The following ANK3 variants were observed in gnomAD, a reference collection of about 807,000 sequenced individuals.
ANK3 encodes ankyrin-3.
In ANK3, 57 loss-of-function variants were observed where a neutral mutation model predicts 370.9. The ratio of observed to expected loss-of-function variants is 0.15; its 90% CI spans 0.12 to 0.19. The LOEUF is 0.19. Ranked by LOEUF, ANK3 falls within the 10% of genes least tolerant of loss-of-function variation. The pLI, the probability that ANK3 is intolerant of heterozygous loss-of-function variation, is 1.00. For missense variants in ANK3, 4,439 were observed against 5,302.1 expected (o/e 0.84, Z 5.06); for synonymous variants, 1,929 against 1,946.3 (o/e 0.99, Z 0.23).
intron 2 of ANK3, among the ~76,000 whole-genome samples, chr10:60,491,168 T>G (rs2075491855): frequency 6.6e-6 from 1 of 152,260 alleles, no homozygotes; most frequent in South Asian, 2.1e-4. Context: ...TAGCACACTA[T>G]TCATCTATTG....
chr10:60,407,537 T>A (rs577471003), intron 2 of ANK3, among the ~76,000 whole-genome samples: 4 of 152,216 alleles, frequency 2.6e-5, no homozygotes, highest in South Asian at 4.1e-4. Flanking sequence ...CAATAATAGA[T>A]CCATTTAATG....
At chr10:60,200,064 A>G in intron 13 of ANK3, 65 bp downstream of exon 13, 1 of 1,325,390 alleles carries the variant, frequency 7.5e-7, no homozygotes, top group Non-Finnish European at 1.1e-6. Flanking sequence ...GTATATACTT[A>G]AAAGTTTTAT....
At chr10:60,482,707 G>T (rs2075256317) in intron 2 of ANK3, among the ~76,000 whole-genome samples, 1 of 152,188 alleles carries the variant, frequency 6.6e-6, no homozygotes, top group African/African-American at 2.4e-5. Context: ...GACTGGTCTT[G>T]AACTCCTAGG....
At chr10:60,642,815 G>A (rs767560745) in intron 1 of ANK3, among the ~76,000 whole-genome samples, 2 of 152,006 alleles carry the variant, frequency 1.3e-5, no homozygotes, top group Non-Finnish European at 2.9e-5. Flanking sequence ...TTTATAATAA[G>A]GAGTTAATTT....
chr10:60,350,854 A>G (rs564641321), intron 1 of ANK3, among the ~76,000 whole-genome samples: 3 of 152,238 alleles, frequency 2.0e-5, no homozygotes, highest in South Asian at 4.1e-4. Context: ...GCTGCCCACC[A>G]TAGAGTTCCC....
intron 40 of ANK3, among the ~76,000 whole-genome samples, chr10:60,061,724 T>C (rs1385388067): frequency 1.3e-5 from 2 of 149,728 alleles, no homozygotes; most frequent in Non-Finnish European, 3.0e-5. Context: ...GCTTTAAATC[T>C]TTTGTTGACT....
intron 2 of ANK3, among the ~76,000 whole-genome samples, chr10:60,452,156 G>A (rs919691859): frequency 3.6e-4 from 55 of 152,322 alleles, no homozygotes; most frequent in Non-Finnish European, 8.8e-5. Flanking sequence ...AGCCTCTAGC[G>A]GTGCACACAG....
At chr10:60,198,267 G>A in intron 14 of ANK3, 73 bp downstream of exon 14, 1 of 1,479,142 alleles carries the variant, frequency 6.8e-7, no homozygotes, top group Non-Finnish European at 9.4e-7. Context: ...TTCTGGACCT[G>A]TTACTATGCG....
intron 1 of ANK3, among the ~76,000 whole-genome samples, chr10:60,685,517 A>G (rs2133395731): frequency 6.6e-6 from 1 of 152,376 alleles, no homozygotes; most frequent in Middle Eastern, 3.4e-3. Flanking sequence ...CGTAAAGTAC[A>G]GTCAAATTAT....
At chr10:60,414,573 G>C (rs1359553555) in intron 2 of ANK3, among the ~76,000 whole-genome samples, 1 of 152,142 alleles carries the variant, frequency 6.6e-6, no homozygotes, top group African/African-American at 2.4e-5. Context: ...TGGAGATAGG[G>C]AAGGAAGCCA....
intron 2 of ANK3, among the ~76,000 whole-genome samples, chr10:60,533,220 G>A (rs896192786): frequency 1.3e-5 from 2 of 152,094 alleles, no homozygotes; most frequent in African/African-American, 4.8e-5. Flanking sequence ...TTGTGTAAAT[G>A]AAGGAGTGAC....
chr10:60,337,035 AAAC>A (rs1248959101), intron 1 of ANK3, among the ~76,000 whole-genome samples: 1 of 129,544 alleles, frequency 7.7e-6, no homozygotes. Flanking sequence ...TTAAAAAAAA[AAAC>A]AAACAGTGGA....
intron 2 of ANK3, among the ~76,000 whole-genome samples, chr10:60,404,058 T>C (rs892385874): frequency 2.0e-5 from 3 of 152,148 alleles, no homozygotes; most frequent in Non-Finnish European, 4.4e-5. Flanking sequence ...ATGTAAATCC[T>C]CCACATTGTG....
intron 2 of ANK3, among the ~76,000 whole-genome samples, chr10:60,510,642 CCT>C (rs1331601933): frequency 1.3e-5 from 2 of 151,898 alleles, no homozygotes. Context: ...ATGGTGAAAC[CCT>C]GTCTTTAGTA....
chr10:60,299,527 G>T (rs1331337851), intron 1 of ANK3, among the ~76,000 whole-genome samples: 1 of 152,178 alleles, frequency 6.6e-6, no homozygotes, highest in African/African-American at 2.4e-5. Context: ...ATACACTGAT[G>T]TTAACTGTGT....
At chr10:60,436,084 G>A (rs1270281929) in intron 2 of ANK3, among the ~76,000 whole-genome samples, 5 of 94,632 alleles carry the variant, frequency 5.3e-5, no homozygotes, top group Admixed American at 2.3e-4. Context: ...ACGAGACTCC[G>A]TCTCAAAAAA....
chr10:60,668,934 G>A (rs546082291), intron 1 of ANK3, among the ~76,000 whole-genome samples: 4 of 152,130 alleles, frequency 2.6e-5, no homozygotes, highest in South Asian at 4.2e-4. Flanking sequence ...CAGAGGTTGC[G>A]GTGAGCCAAG....
At position 60,565,259 on chromosome 10, in the gene ANK3, G is replaced by T. The variant is rs112780625; in HGVS notation, c.96+49927C>A. Among the ~76,000 whole-genome samples, 491 of 152,262 alleles carry T rather than the reference G, an allele frequency of 3.2e-3. 2 individuals are homozygous for T. Among genetic ancestry groups the T allele is most frequent in the Non-Finnish European group, 5.1e-3 (349 of 68,028 alleles). Reference sequence around the variant, plus strand: ...GAAACTGTTTTGCCTCAGATCATCAGGCATTAGATTCTCATAAGGAGTGCA... The same window carrying T: ...GAAACTGTTTTGCCTCAGATCATCATGCATTAGATTCTCATAAGGAGTGCA... On this transcript the variant is annotated intron_variant, in intron 2 of 43. Transcript: ENST00000373827.
At chr10:60,687,304 T>A (rs1288453185) in intron 1 of ANK3, among the ~76,000 whole-genome samples, 1 of 151,994 alleles carries the variant, frequency 6.6e-6, no homozygotes, top group Admixed American at 6.6e-5. Flanking sequence ...AAAGGATTAA[T>A]CTCCAAAATA....
Sources: gnomAD v4.1 joint callset for allele counts (sites outside exome capture counted in the v4.1 genomes callset) on GRCh38, gnomAD v4.1.1 for gene constraint, MANE v1.5 for transcripts, NCBI Gene and HGNC (gene_info 2026-07-23, HGNC 2026-07-21) for gene names.